Variants in GRIN2A observed in about 807,000 individuals in gnomAD.
GRIN2A encodes the protein glutamate ionotropic receptor NMDA type subunit 2A.
Under a neutral mutation model 113.4 loss-of-function variants are expected in GRIN2A, and 22 were observed. The ratio of observed to expected loss-of-function variants is 0.19; its 90% CI spans 0.14 to 0.28. The LOEUF is 0.28. Among genes scored for constraint, GRIN2A ranks in the 10% least tolerant of loss-of-function variants. GRIN2A has a pLI of 1.00. For missense variants in GRIN2A, 1,502 were observed against 1,887.0 expected (o/e 0.80, Z 3.78); for synonymous variants, 827 against 738.4 (o/e 1.12, Z -1.94).
intron 2 of GRIN2A, among the ~76,000 whole-genome samples, chr16:10,149,620 C>A (rs910836072): frequency 6.6e-6 from 1 of 152,126 alleles, no homozygotes. Flanking sequence ...CAAGCACATC[C>A]CCAAACTGGT....
intron 3 of GRIN2A, among the ~76,000 whole-genome samples, chr16:9,909,178 A>C (rs563566696): frequency 1.3e-5 from 2 of 152,176 alleles, no homozygotes; most frequent in African/African-American, 2.4e-5. Context: ...TTGTGCAGGG[A>C]AACTCCACCT....
intron 2 of GRIN2A, among the ~76,000 whole-genome samples, chr16:10,105,234 G>A (rs955828173): frequency 5.3e-5 from 8 of 152,162 alleles, no homozygotes; most frequent in East Asian, 1.9e-4. Context: ...TGCTGACCAC[G>A]ACCATTAAAA....
chr16:10,069,050 C>T (rs1160128444), intron 2 of GRIN2A, among the ~76,000 whole-genome samples: 1 of 152,064 alleles, frequency 6.6e-6, no homozygotes, highest in Admixed American at 6.5e-5. Flanking sequence ...CATGAGAAGG[C>T]ACCTAGGTTC....
At chr16:9,914,824 G>T (rs1448611622) in intron 3 of GRIN2A, among the ~76,000 whole-genome samples, 1 of 147,026 alleles carries the variant, frequency 6.8e-6, no homozygotes, top group Non-Finnish European at 1.5e-5. Context: ...CAGCTAAGGG[G>T]CAGAAGAGCC....
At chr16:10,054,311 C>G (rs2047408693) in intron 2 of GRIN2A, among the ~76,000 whole-genome samples, 1 of 152,176 alleles carries the variant, frequency 6.6e-6, no homozygotes, top group East Asian at 1.9e-4. Flanking sequence ...TGTTCAACTT[C>G]TTAATAAGAT....
intron 4 of GRIN2A, among the ~76,000 whole-genome samples, chr16:9,883,211 T>G (rs2043519222): frequency 6.6e-6 from 1 of 152,156 alleles, no homozygotes; most frequent in South Asian, 2.1e-4. Flanking sequence ...TGTAAAATTG[T>G]CATCATAGTT....
At chr16:10,081,366 C>T (rs2047978500) in intron 2 of GRIN2A, among the ~76,000 whole-genome samples, 1 of 152,200 alleles carries the variant, frequency 6.6e-6, no homozygotes, top group Non-Finnish European at 1.5e-5. Context: ...AAGTTCTGCT[C>T]CTTACATATG....
chr16:9,762,870 T>C lies in GRIN2A; in HGVS notation c.*279A>G. 3.8e-6 allele frequency: 2 copies of C among 527,172 alleles called. No individual in the cohort carries two copies. The highest frequency in any genetic ancestry group is 3.2e-5 in the East Asian group (1 of 31,460). 32.7% of individuals were successfully genotyped at this position (527,172 alleles called of 1,614,324 possible). ...GCATCATTATTGCCAACATACCCAG[T>C]AGGCATGTCCCGGAGACTTGCCCTT... On this transcript the variant is annotated 3_prime_UTR_variant, in exon 13 of 13. Coordinates refer to ENST00000330684, the MANE Select transcript of GRIN2A (RefSeq NM_001134407.3).
At chr16:9,814,009 C>T (rs1165399954) in intron 10 of GRIN2A, among the ~76,000 whole-genome samples, 1 of 152,136 alleles carries the variant, frequency 6.6e-6, no homozygotes, top group African/African-American at 2.4e-5. Flanking sequence ...AAAAAATTTG[C>T]TCTGCAGAGC....
intron 2 of GRIN2A, among the ~76,000 whole-genome samples, chr16:10,007,763 T>C (rs1202677343): frequency 1.3e-5 from 2 of 152,112 alleles, no homozygotes; most frequent in Non-Finnish European, 2.9e-5. Flanking sequence ...AATGAACACA[T>C]AGATGTAAGT....
intron 2 of GRIN2A, among the ~76,000 whole-genome samples, chr16:10,145,558 A>G (rs2049422499): frequency 6.6e-6 from 1 of 152,172 alleles, no homozygotes; most frequent in Admixed American, 6.5e-5. Flanking sequence ...TTGAGGGTAC[A>G]TGAGTGTTCA....
intron 4 of GRIN2A, among the ~76,000 whole-genome samples, chr16:9,860,467 A>G (rs1022898694): frequency 1.3e-5 from 2 of 151,168 alleles, no homozygotes; most frequent in African/African-American, 4.9e-5. Context: ...AAAAAAAAAA[A>G]AAAGAAAGAC....
rs973269806 is a variant in GRIN2A at position 10,112,304 on chromosome 16, G to C, written c.414+67694C>G. On this transcript the variant is annotated intron_variant, in intron 2 of 12. Coordinates refer to ENST00000330684, the MANE Select transcript of GRIN2A (RefSeq NM_001134407.3). The stretch of plus-strand genomic sequence containing the variant: ...GGAGGAATGTGGTGACAGCAGCCCA[G>C]GCTAAGAACCTGATTGACACTGGTG... 14 of 645,300 alleles carry C rather than the reference G, an allele frequency of 2.2e-5. No homozygotes were observed. In the Admixed American group the frequency reaches 2.3e-4, roughly 11 times the overall value. The allele number at this position is 645,300 out of a possible 1,614,324, so 40.0% of individuals were successfully genotyped here.
chr16:9,841,217 G>A (rs1274219145), intron 5 of GRIN2A, 113 bp from the exon 6 acceptor site: 1 of 894,306 alleles, frequency 1.1e-6, no homozygotes, highest in Non-Finnish European at 1.8e-6. Flanking sequence ...TTTAAAAGGG[G>A]AAGTGGCTTT....
chr16:9,880,346 C>T (rs1257080710), intron 4 of GRIN2A, among the ~76,000 whole-genome samples: 2 of 152,202 alleles, frequency 1.3e-5, no homozygotes, highest in African/African-American at 4.8e-5. Flanking sequence ...CTTTCTGCAA[C>T]TATTAGGCTT....
At chr16:10,108,462 G>T (rs2048540251) in intron 2 of GRIN2A, among the ~76,000 whole-genome samples, 1 of 152,164 alleles carries the variant, frequency 6.6e-6, no homozygotes, top group African/African-American at 2.4e-5. Flanking sequence ...CCATATCATT[G>T]GGTCTCAGAG....
chr16:9,769,280 T>C (rs1439448673), intron 11 of GRIN2A, 191 bp from the exon 12 acceptor site: 2 of 515,066 alleles, frequency 3.9e-6, no homozygotes, highest in South Asian at 2.7e-5. Context: ...CTACCTAATA[T>C]TGTTGCAGTG....
intron 11 of GRIN2A, among the ~76,000 whole-genome samples, chr16:9,783,543 T>C (rs965757214): frequency 3.9e-5 from 6 of 152,212 alleles, no homozygotes; most frequent in Admixed American, 1.3e-4. Context: ...TACCCTCATA[T>C]CTCCTATGTT....
At chr16:9,771,150 A>C (rs7197214) in intron 11 of GRIN2A, among the ~76,000 whole-genome samples, 56,877 of 150,944 alleles carry the variant, frequency 0.38, 11,006 homozygotes, top group Non-Finnish European at 0.43. Context: ...ATGTAGTGCT[A>C]GCTCATTATT....
Sources: gnomAD v4.1 joint callset for allele counts (sites outside exome capture counted in the v4.1 genomes callset) on GRCh38, gnomAD v4.1.1 for gene constraint, MANE v1.5 for transcripts, NCBI Gene and HGNC (gene_info 2026-07-23, HGNC 2026-07-21) for gene names.